The following STPG2 variants were observed in gnomAD, a reference collection of about 807,000 sequenced individuals.
STPG2 encodes the protein sperm tail PG-rich repeat containing 2.
STPG2 carries 56 observed loss-of-function variants against 54.2 expected under a neutral mutation model. The observed-to-expected ratio is 1.03, with a 90% CI of 0.83 to 1.29. The LOEUF is 1.29. Ranked by LOEUF, STPG2 falls within the 50% of genes most tolerant of loss-of-function variation. STPG2 has a pLI of 0.00. For missense variants in STPG2, 596 were observed against 544.9 expected (o/e 1.09, Z -0.93); for synonymous variants, 200 against 181.8 (o/e 1.10, Z -0.81).
intron 7 of STPG2, among the ~76,000 whole-genome samples, chr4:97,955,917 CAG>C (rs1160052404): frequency 2.1e-4 from 32 of 152,186 alleles, no homozygotes; most frequent in Admixed American, 6.5e-5. Flanking sequence ...AAATACATTT[CAG>C]ACAAACAAAA....
chr4:97,631,734 A>G (rs1171062984), intron 10 of STPG2, among the ~76,000 whole-genome samples: 1 of 152,100 alleles, frequency 6.6e-6, no homozygotes, highest in Non-Finnish European at 1.5e-5. Context: ...CTGGTCTAGC[A>G]AGAATGTTTT....
chr4:98,092,589 A>C (rs892989493), intron 5 of STPG2, among the ~76,000 whole-genome samples: 1 of 152,102 alleles, frequency 6.6e-6, no homozygotes, highest in African/African-American at 2.4e-5. Context: ...AGAAAGTTTT[A>C]AATTATTTCT....
At chr4:97,896,017 A>G (rs1730940824) in intron 8 of STPG2, among the ~76,000 whole-genome samples, 1 of 151,790 alleles carries the variant, frequency 6.6e-6, no homozygotes, top group Admixed American at 6.6e-5. Context: ...AAGTTTTTCA[A>G]TTCCATTTTT....
At chr4:98,049,284 G>A (rs1471555430) in intron 5 of STPG2, among the ~76,000 whole-genome samples, 3 of 152,160 alleles carry the variant, frequency 2.0e-5, no homozygotes, top group Non-Finnish European at 2.9e-5. Context: ...TATCAAGCCC[G>A]TTGTTTACTA....
intron 8 of STPG2, among the ~76,000 whole-genome samples, chr4:97,903,443 A>C (rs896870806): frequency 1.3e-5 from 2 of 152,020 alleles, no homozygotes; most frequent in African/African-American, 2.4e-5. Context: ...TACAATTAAA[A>C]ATCTAAAAAA....
chr4:97,990,893 T>C (rs914761386), intron 5 of STPG2, among the ~76,000 whole-genome samples: 26 of 152,206 alleles, frequency 1.7e-4, no homozygotes, highest in Admixed American at 1.5e-3. Context: ...TCCTATACCA[T>C]AATCAGTAAT....
intron 5 of STPG2, among the ~76,000 whole-genome samples, chr4:98,012,137 A>AAG (rs1560634744): frequency 2.6e-5 from 4 of 151,192 alleles, no homozygotes; most frequent in African/African-American, 9.7e-5. Flanking sequence ...TGTATAATGC[A>AAG]TAAGGGGTCC....
At chr4:98,002,278 A>G (rs1044537060) in intron 5 of STPG2, among the ~76,000 whole-genome samples, 3 of 152,072 alleles carry the variant, frequency 2.0e-5, no homozygotes, top group Non-Finnish European at 4.4e-5. Flanking sequence ...TTATGTGGTA[A>G]TAAGAATACT....
At chr4:98,086,773 T>C (rs1406373539) in intron 5 of STPG2, among the ~76,000 whole-genome samples, 2 of 151,992 alleles carry the variant, frequency 1.3e-5, no homozygotes, top group African/African-American at 2.4e-5. Flanking sequence ...GTATAGTGCA[T>C]TATTGCAACC....
chr4:97,590,096 G>C (rs1733098633), intron 10 of STPG2, among the ~76,000 whole-genome samples: 1 of 151,992 alleles, frequency 6.6e-6, no homozygotes, highest in South Asian at 2.1e-4. Flanking sequence ...TCCTGTTATA[G>C]GTGCTTAAAT....
At chr4:98,095,372 T>C (rs1352702870) in intron 5 of STPG2, among the ~76,000 whole-genome samples, 1 of 152,042 alleles carries the variant, frequency 6.6e-6, no homozygotes. Flanking sequence ...TTAAAAGACA[T>C]AGAGCAGCTG....
intron 9 of STPG2, among the ~76,000 whole-genome samples, chr4:97,762,858 G>T (rs1725928448): frequency 6.6e-6 from 1 of 152,066 alleles, no homozygotes; most frequent in Non-Finnish European, 1.5e-5. Flanking sequence ...CAGTTATAGT[G>T]TTTGCATAAA....
intron 2 of STPG2, among the ~76,000 whole-genome samples, chr4:98,133,804 C>T (rs1182407927): frequency 6.6e-6 from 1 of 151,972 alleles, no homozygotes; most frequent in East Asian, 1.9e-4. Flanking sequence ...GGAGCCAATA[C>T]ATATAAATGC....
intron 10 of STPG2, among the ~76,000 whole-genome samples, chr4:97,628,006 G>A (rs908682047): frequency 6.6e-6 from 1 of 152,108 alleles, no homozygotes; most frequent in African/African-American, 2.4e-5. Flanking sequence ...CCCACATTGG[G>A]GAGGGCAAAC....
rs182647921 is a variant in STPG2, at chr4:97,734,218, G to C, written c.1205-21404C>G. 2.3e-3 allele frequency among the ~76,000 whole-genome samples: 352 copies of C among 152,166 alleles called. 1 individual carries two copies. The highest frequency in any genetic ancestry group is 8.0e-3 in the African/African-American group (331 of 41,516). ...TTGTTGAGAATTTTTAATTATAAAA[G>C]GATATTGAATTTTCTCATAGGCTTT... is the stretch of plus-strand genomic sequence containing the variant. On this transcript the variant is annotated intron_variant, in intron 9 of 10. Transcript: ENST00000295268.
chr4:97,819,081 C>T (rs548051861), intron 9 of STPG2, among the ~76,000 whole-genome samples: 13 of 151,212 alleles, frequency 8.6e-5, no homozygotes, highest in Non-Finnish European at 1.2e-4. Flanking sequence ...TCTATCATTT[C>T]GAATAAAGAT....
intron 10 of STPG2, among the ~76,000 whole-genome samples, chr4:97,664,884 G>A (rs1722475383): frequency 6.6e-6 from 1 of 151,980 alleles, no homozygotes; most frequent in African/African-American, 2.4e-5. Context: ...CCTGCCAAGG[G>A]CAAGCAGAGT....
In STPG2 at chr4:97,665,613, C is replaced by T. The variant is rs527369189; in HGVS notation, c.1320+47086G>A. ...TACTATAAGTTCCTACTCCCGTCCA[C>T]AGGGCTGGAATCCTGGCCCCTAGAC... On this transcript the variant is annotated intron_variant, in intron 10 of 10. Transcript: ENST00000295268. Among the ~76,000 whole-genome samples the T allele has an allele frequency of 2.2e-4, 33 of 152,288 alleles. No homozygotes were observed. In the East Asian group the frequency reaches 6.0e-3, roughly 28 times the overall value.
intron 9 of STPG2, among the ~76,000 whole-genome samples, chr4:97,744,111 G>C (rs1169865574): frequency 6.6e-6 from 1 of 151,490 alleles, no homozygotes; most frequent in Non-Finnish European, 1.5e-5. Flanking sequence ...GGCATGATCA[G>C]AGCTGTGTTA....
Sources: allele counts gnomAD v4.1 joint callset (sites outside exome capture counted in the v4.1 genomes callset), GRCh38; gene constraint gnomAD v4.1.1; transcripts MANE v1.5; gene names NCBI Gene and HGNC (gene_info 2026-07-23, HGNC 2026-07-21).